RBFOX1: variants seen among roughly 807,000 people sequenced by gnomAD.
RBFOX1 encodes the protein RNA binding fox-1 homolog 1.
Under a neutral mutation model 57.7 loss-of-function variants are expected in RBFOX1, and 8 were observed. That is an observed-to-expected ratio of 0.14 (90% CI 0.08 to 0.25). The LOEUF is 0.25. Among genes scored for constraint, RBFOX1 ranks in the 10% least tolerant of loss-of-function variants. The pLI is 1.00. For missense variants in RBFOX1, 611 were observed against 548.5 expected (o/e 1.11, Z -1.14); for synonymous variants, 326 against 222.4 (o/e 1.47, Z -4.15).
At chr16:5,676,742 A>G (rs111607174) in intron 3 of RBFOX1, among the ~76,000 whole-genome samples, 57 of 152,270 alleles carry the variant, frequency 3.7e-4, no homozygotes, top group African/African-American at 1.3e-3. Context: ...CATGCCTGCA[A>G]TTCCACCTAC....
At chr16:6,795,547 C>T (rs533880558) in intron 3 of RBFOX1, among the ~76,000 whole-genome samples, 3 of 152,142 alleles carry the variant, frequency 2.0e-5, no homozygotes, top group South Asian at 4.1e-4. Context: ...GTGGGTGAAT[C>T]ACGAGGTCAC....
At chr16:7,528,495 G>A (rs1201710039) in intron 5 of RBFOX1, among the ~76,000 whole-genome samples, 1 of 152,038 alleles carries the variant, frequency 6.6e-6, no homozygotes, top group Non-Finnish European at 1.5e-5. Flanking sequence ...TTATTTATGT[G>A]AGAGAGGGGT....
At chr16:5,880,130 G>A (rs1422646177) in intron 4 of RBFOX1, among the ~76,000 whole-genome samples, 3 of 152,178 alleles carry the variant, frequency 2.0e-5, no homozygotes, top group Admixed American at 2.0e-4. Flanking sequence ...TGCTTGCCTG[G>A]CACTCTTTTA....
At chr16:6,934,116 C>G (rs756314918) in intron 3 of RBFOX1, among the ~76,000 whole-genome samples, 4 of 152,132 alleles carry the variant, frequency 2.6e-5, no homozygotes, top group African/African-American at 4.8e-5. Context: ...GCTCCTCTGC[C>G]ACCCATAGTG....
intron 2 of RBFOX1, among the ~76,000 whole-genome samples, chr16:6,649,351 C>G (rs1251686766): frequency 6.6e-6 from 1 of 152,094 alleles, no homozygotes; most frequent in Non-Finnish European, 1.5e-5. Flanking sequence ...CCTTGATGGA[C>G]ACTTAGTTTT....
intron 4 of RBFOX1, among the ~76,000 whole-genome samples, chr16:7,144,192 C>T (rs1018304735): frequency 2.0e-5 from 3 of 152,066 alleles, no homozygotes; most frequent in African/African-American, 7.2e-5. Context: ...GACGGATAGA[C>T]TCCATTTCTC....
intron 2 of RBFOX1, among the ~76,000 whole-genome samples, chr16:6,425,781 T>C (rs1180743412): frequency 6.6e-6 from 1 of 152,176 alleles, no homozygotes; most frequent in Non-Finnish European, 1.5e-5. Flanking sequence ...AGGTTTAAAA[T>C]TTCTTTTATT....
chr16:7,555,402 C>G (rs1239544187), intron 5 of RBFOX1, among the ~76,000 whole-genome samples: 1 of 152,180 alleles, frequency 6.6e-6, no homozygotes, highest in Non-Finnish European at 1.5e-5. Context: ...TGTTACCTTC[C>G]TCGTTCTGAT....
chr16:6,125,666 C>T (rs550959277), intron 1 of RBFOX1, among the ~76,000 whole-genome samples: 1 of 152,286 alleles, frequency 6.6e-6, no homozygotes, highest in Non-Finnish European at 1.5e-5. Context: ...TGGGAGCTGA[C>T]TGCAGTCAGC....
At chr16:5,408,953 C>G (rs1334439640) in intron 1 of RBFOX1, among the ~76,000 whole-genome samples, 1 of 152,244 alleles carries the variant, frequency 6.6e-6, no homozygotes, top group Non-Finnish European at 1.5e-5. Context: ...GGCCCTACCT[C>G]TAATACTGGG....
At chr16:6,193,004 G>T (rs2097151635) in intron 1 of RBFOX1, among the ~76,000 whole-genome samples, 1 of 152,074 alleles carries the variant, frequency 6.6e-6, no homozygotes, top group African/African-American at 2.4e-5. Context: ...TCATCTGATG[G>T]CTGTGAAATA....
chr16:7,455,358 T>C (rs1038156901), intron 4 of RBFOX1, among the ~76,000 whole-genome samples: 1 of 152,206 alleles, frequency 6.6e-6, no homozygotes, highest in Non-Finnish European at 1.5e-5. Flanking sequence ...TGTGCATGTA[T>C]GTCTCTGTGC....
At chr16:7,471,814 A>T (rs1271605681) in intron 4 of RBFOX1, among the ~76,000 whole-genome samples, 1 of 152,144 alleles carries the variant, frequency 6.6e-6, no homozygotes, top group Non-Finnish European at 1.5e-5. Context: ...ACTGTCTGGG[A>T]GCTCCAGGGC....
At chr16:7,222,975 A>C (rs931422217) in intron 4 of RBFOX1, among the ~76,000 whole-genome samples, 3 of 152,144 alleles carry the variant, frequency 2.0e-5, no homozygotes, top group African/African-American at 7.2e-5. Flanking sequence ...TGTGCAGCAT[A>C]AACATCTGGG....
At chr16:7,101,393 T>C (rs1294966032) in intron 4 of RBFOX1, among the ~76,000 whole-genome samples, 1 of 152,182 alleles carries the variant, frequency 6.6e-6, no homozygotes, top group African/African-American at 2.4e-5. Flanking sequence ...GCAAGGAAAC[T>C]CTTGGATTTC....
intron 1 of RBFOX1, among the ~76,000 whole-genome samples, chr16:5,377,588 G>A (rs1329069857): frequency 6.8e-6 from 1 of 148,126 alleles, no homozygotes; most frequent in African/African-American, 2.5e-5. Flanking sequence ...GAGATGGGGG[G>A]AGAGAGAGAG....
Position 6,244,920 on chromosome 16 carries a change from AGTTTTGTTTTGTTTTGTTTT to A in RBFOX1, c.-126-72054_-126-72035del, listed in dbSNP as rs55870313. On this transcript the variant is annotated intron_variant, in intron 1 of 15. Coordinates refer to ENST00000550418, the MANE Select transcript of RBFOX1 (RefSeq NM_018723.4). ...GTGTCCTTTGGCAAACTGAATACCC[AGTTTTGTTTTGTTTTGTTTT>A]GTTTTGTTTTGTTTTGTTTTTCGTT... is the stretch of plus-strand genomic sequence containing the variant. Among the ~76,000 whole-genome samples, 137 of 150,196 alleles carry A rather than the reference AGTTTTGTTTTGTTTTGTTTT, an allele frequency of 9.1e-4. 1 individual carries two copies. The highest frequency in any genetic ancestry group is 3.4e-3 in the Middle Eastern group (1 of 294).
At chr16:6,434,481 C>T (rs2094181730) in intron 2 of RBFOX1, among the ~76,000 whole-genome samples, 1 of 152,106 alleles carries the variant, frequency 6.6e-6, no homozygotes, top group Non-Finnish European at 1.5e-5. Flanking sequence ...AGCTGAAAGC[C>T]CTCATTTGTG....
intron 3 of RBFOX1, among the ~76,000 whole-genome samples, chr16:6,830,463 A>G (rs1385508847): frequency 6.6e-6 from 1 of 152,196 alleles, no homozygotes; most frequent in Non-Finnish European, 1.5e-5. Flanking sequence ...CCTTAGAAAA[A>G]TAAGCAGGAT....
Sources: allele counts gnomAD v4.1 joint callset (sites outside exome capture counted in the v4.1 genomes callset), GRCh38; gene constraint gnomAD v4.1.1; transcripts MANE v1.5; gene names NCBI Gene and HGNC (gene_info 2026-07-23, HGNC 2026-07-21).